TRMT11: variants seen among roughly 807,000 people sequenced by gnomAD.
TRMT11 encodes tRNA (guanine(10)-N(2))-methyltransferase TRMT11.
Under a neutral mutation model 62.8 loss-of-function variants are expected in TRMT11, and 53 were observed. That is an observed-to-expected ratio of 0.84 (90% CI 0.68 to 1.06). TRMT11 has a LOEUF of 1.06. Ranked by LOEUF, TRMT11 falls within the 50% of genes least tolerant of loss-of-function variation. TRMT11 has a pLI of 0.00. For synonymous variants in TRMT11, 188 were observed against 190.3 expected (o/e 0.99, Z 0.10); for missense variants, 556 against 553.4 (o/e 1.00, Z -0.05).
intron 21 of TRMT11, among the ~76,000 whole-genome samples, chr6:126,132,600 C>T (rs962284875): frequency 2.0e-4 from 31 of 152,116 alleles, no homozygotes; most frequent in African/African-American, 7.5e-4. Context: ...GAAATAAGAT[C>T]TATTTTAATT....
the TRMT11 span, among the ~76,000 whole-genome samples, chr6:126,243,231 T>G: frequency 6.6e-6 from 1 of 152,088 alleles, no homozygotes; most frequent in Non-Finnish European, 1.5e-5. Context: ...AAAACCACAA[T>G]GGGATACCAT....
At chr6:126,070,167 T>G (rs748016965) in intron 17 of TRMT11, among the ~76,000 whole-genome samples, 7 of 152,198 alleles carry the variant, frequency 4.6e-5, no homozygotes, top group Non-Finnish European at 1.0e-4. Flanking sequence ...GCTTGAGGTG[T>G]GCTTCCCATC....
At chr6:126,146,568 A>G (rs1402227105) in intron 21 of TRMT11, among the ~76,000 whole-genome samples, 1 of 150,778 alleles carries the variant, frequency 6.6e-6, no homozygotes, top group Admixed American at 6.6e-5. Context: ...CCCAGGTTGC[A>G]GTGCAATAGC....
intron 7 of TRMT11, among the ~76,000 whole-genome samples, chr6:126,003,696 T>A (rs1442411600): frequency 6.6e-6 from 1 of 152,074 alleles, no homozygotes; most frequent in Non-Finnish European, 1.5e-5. Context: ...TCTTTTTTTG[T>A]CTTTTGCCCA....
chr6:126,220,771 A>G, the TRMT11 span, among the ~76,000 whole-genome samples: 1 of 151,274 alleles, frequency 6.6e-6, no homozygotes, highest in African/African-American at 2.4e-5. Flanking sequence ...TTTTTTTCCA[A>G]CTTTTAGGTT....
chr6:126,237,500 C>T, the TRMT11 span, among the ~76,000 whole-genome samples: 5 of 151,810 alleles, frequency 3.3e-5, no homozygotes, highest in African/African-American at 9.7e-5. Context: ...GGCAACATGG[C>T]GAAACCTTGT....
the TRMT11 span, among the ~76,000 whole-genome samples, chr6:126,251,251 G>A: frequency 5.3e-5 from 8 of 151,632 alleles, no homozygotes; most frequent in African/African-American, 1.2e-4. Context: ...GGCTGGTCTC[G>A]AACTCCTGAC....
intron 1 of TRMT11, among the ~76,000 whole-genome samples, chr6:126,184,807 A>C (rs1778508801): frequency 6.6e-6 from 1 of 152,164 alleles, no homozygotes. Flanking sequence ...ATGGAGGAAA[A>C]GTATTTCTTT....
chr6:126,219,437 T>C, the TRMT11 span, among the ~76,000 whole-genome samples: 1 of 152,182 alleles, frequency 6.6e-6, no homozygotes, highest in African/African-American at 2.4e-5. Flanking sequence ...ACCTTGCCAC[T>C]TTACCAAATC....
In TRMT11 at chr6:126,130,943, C is replaced by A. The variant is rs978746652; in HGVS notation, c.*1823+15088C>A. Among the ~76,000 whole-genome samples the A allele has an allele frequency of 4.6e-5, 7 of 152,206 alleles. No individual in the cohort carries two copies. In the East Asian group the frequency reaches 1.4e-3, roughly 29 times the overall value. On this transcript the variant is annotated intron_variant and NMD_transcript_variant, in intron 21 of 22. Coordinates refer to the TRMT11 transcript ENST00000648977. ...ATACATTTGAAAGACAACATCTGAA[C>A]AATTTTGGTTATTATCTATTAGCCT...
At chr6:126,122,449 A>G (rs146970335) in intron 21 of TRMT11, among the ~76,000 whole-genome samples, 171 of 152,264 alleles carry the variant, frequency 1.1e-3, no homozygotes, top group Middle Eastern at 3.4e-3. Context: ...CTCTTTTCCC[A>G]AAAGCCAGCC....
At chr6:126,046,669 C>A (rs1200267483) in intron 16 of TRMT11, among the ~76,000 whole-genome samples, 2 of 152,110 alleles carry the variant, frequency 1.3e-5, no homozygotes, top group African/African-American at 2.4e-5. Context: ...CCCAGTTCAC[C>A]ATCTTACACA....
intron 12 of TRMT11, among the ~76,000 whole-genome samples, chr6:126,031,721 A>G (rs1201914471): frequency 6.6e-6 from 1 of 152,150 alleles, no homozygotes; most frequent in Non-Finnish European, 1.5e-5. Flanking sequence ...CCCAGTGTTG[A>G]GGGACCTTAC....
chr6:126,013,592 C>G (rs1016965882), intron 11 of TRMT11, among the ~76,000 whole-genome samples: 2 of 152,058 alleles, frequency 1.3e-5, no homozygotes, highest in Non-Finnish European at 2.9e-5. Flanking sequence ...TTGTTTTGAC[C>G]TTGTTATTTT....
At chr6:126,148,321 A>C (rs1044107107) in intron 21 of TRMT11, among the ~76,000 whole-genome samples, 3 of 152,192 alleles carry the variant, frequency 2.0e-5, no homozygotes, top group Non-Finnish European at 4.4e-5. Flanking sequence ...AATATCACAA[A>C]TGCATTTTAG....
chr6:126,105,682 A>G (rs367924564), intron 17 of TRMT11, among the ~76,000 whole-genome samples: 88 of 152,234 alleles, frequency 5.8e-4, no homozygotes, highest in African/African-American at 1.9e-3. Context: ...TAATTATGAA[A>G]ACCAACATGA....
At chr6:126,025,596 AT>A (rs1452421398) in intron 12 of TRMT11, among the ~76,000 whole-genome samples, 1 of 152,160 alleles carries the variant, frequency 6.6e-6, no homozygotes. Context: ...TAATTACTTC[AT>A]TTCTACCTTT....
chr6:126,039,523 T>G (rs1775798634), downstream of TRMT11, among the ~76,000 whole-genome samples: 1 of 152,056 alleles, frequency 6.6e-6, no homozygotes, highest in South Asian at 2.1e-4. Context: ...AATTTTTGGT[T>G]TAGAAAGTAA....
the TRMT11 span, among the ~76,000 whole-genome samples, chr6:126,241,159 G>A: frequency 1.3e-5 from 2 of 152,306 alleles, no homozygotes; most frequent in South Asian, 4.1e-4. Context: ...GCCCTTCCTG[G>A]GTGAGGTGAT....
Sources: allele counts gnomAD v4.1 joint callset (sites outside exome capture counted in the v4.1 genomes callset), GRCh38; gene constraint gnomAD v4.1.1; transcripts MANE v1.5; gene names NCBI Gene and HGNC (gene_info 2026-07-23, HGNC 2026-07-21).